LSAMP: variants seen among roughly 807,000 people sequenced by gnomAD.
LSAMP encodes the protein limbic system-associated membrane protein.
LSAMP carries 7 observed loss-of-function variants against 38.6 expected under a neutral mutation model. The observed-to-expected ratio is 0.18, with a 90% CI of 0.10 to 0.34. The LOEUF (loss-of-function observed/expected upper bound fraction) is 0.34. LSAMP is among the 10% of genes least tolerant of loss of function. The pLI is 1.00. For synonymous variants in LSAMP, 154 were observed against 166.8 expected (o/e 0.92, Z 0.59); for missense variants, 313 against 420.0 (o/e 0.75, Z 2.23).
intron 1 of LSAMP, among the ~76,000 whole-genome samples, chr3:116,105,122 A>T (rs567178613): frequency 1.3e-5 from 2 of 151,980 alleles, no homozygotes; most frequent in Non-Finnish European, 2.9e-5. Context: ...AGCATGATGA[A>T]GGCATTCATA....
intron 1 of LSAMP, among the ~76,000 whole-genome samples, chr3:116,400,170 G>C (rs1380759424): frequency 1.3e-5 from 2 of 151,840 alleles, no homozygotes; most frequent in Non-Finnish European, 2.9e-5. Flanking sequence ...TTTTGTTCTT[G>C]CTTTGTACTA....
intron 2 of LSAMP, among the ~76,000 whole-genome samples, chr3:116,067,849 T>C (rs1707497523): frequency 6.6e-6 from 1 of 152,130 alleles, no homozygotes; most frequent in African/African-American, 2.4e-5. Context: ...CTTTATTAAA[T>C]AATTATTATG....
At chr3:116,081,439 C>G (rs1276294219) in intron 2 of LSAMP, among the ~76,000 whole-genome samples, 1 of 149,644 alleles carries the variant, frequency 6.7e-6, no homozygotes, top group Non-Finnish European at 1.5e-5. Flanking sequence ...GGCGACAGAG[C>G]AAGACTCTGT....
chr3:116,120,801 T>C (rs1183525959), intron 1 of LSAMP, among the ~76,000 whole-genome samples: 2 of 152,224 alleles, frequency 1.3e-5, no homozygotes, highest in East Asian at 3.8e-4. Flanking sequence ...TTTAAGGATA[T>C]CACAGACCTT....
intron 3 of LSAMP, among the ~76,000 whole-genome samples, chr3:115,937,371 T>A (rs1937738824): frequency 6.6e-6 from 1 of 152,148 alleles, no homozygotes; most frequent in Non-Finnish European, 1.5e-5. Flanking sequence ...CCAGGCATGG[T>A]AGCTCATACC....
At chr3:116,313,611 C>G (rs748123914) in intron 1 of LSAMP, among the ~76,000 whole-genome samples, 13 of 152,146 alleles carry the variant, frequency 8.5e-5, no homozygotes, top group Non-Finnish European at 1.8e-4. Flanking sequence ...TCATAGGCCT[C>G]TTAGAGCAAA....
intron 1 of LSAMP, among the ~76,000 whole-genome samples, chr3:116,123,382 G>A (rs1708930564): frequency 6.6e-6 from 1 of 152,168 alleles, no homozygotes; most frequent in African/African-American, 2.4e-5. Flanking sequence ...AACTTAACTT[G>A]TGCTTCTCAC....
intron 3 of LSAMP, among the ~76,000 whole-genome samples, chr3:115,924,414 A>G (rs998193755): frequency 5.3e-5 from 8 of 152,246 alleles, no homozygotes; most frequent in African/African-American, 1.9e-4. Flanking sequence ...GACTTATTTT[A>G]TAGGCCTCTA....
chr3:116,339,989 C>T (rs1232430652), intron 1 of LSAMP, among the ~76,000 whole-genome samples: 1 of 152,038 alleles, frequency 6.6e-6, no homozygotes, highest in Non-Finnish European at 1.5e-5. Context: ...TAGAGTATAA[C>T]AACATGGTTA....
chr3:115,951,298 C>T (rs943219657), intron 3 of LSAMP, among the ~76,000 whole-genome samples: 19 of 152,264 alleles, frequency 1.2e-4, no homozygotes, highest in African/African-American at 4.6e-4. Context: ...TAAAAAGCTT[C>T]TGCCCAGCAA....
intron 6 of LSAMP, among the ~76,000 whole-genome samples, chr3:115,835,520 A>G (rs1934753245): frequency 6.6e-6 from 1 of 152,234 alleles, no homozygotes; most frequent in Non-Finnish European, 1.5e-5. Flanking sequence ...AAATTATATG[A>G]TAGTGTAACA....
chr3:116,312,504 C>CT (rs1348872326), intron 1 of LSAMP, among the ~76,000 whole-genome samples: 1 of 152,166 alleles, frequency 6.6e-6, no homozygotes, highest in African/African-American at 2.4e-5. Flanking sequence ...GTTATTTACT[C>CT]TCCCCATCTT....
chr3:115,834,486 C>G (rs1007550044), intron 6 of LSAMP: 24 of 1,056,860 alleles, frequency 2.3e-5, no homozygotes, highest in Non-Finnish European at 2.4e-5. Flanking sequence ...GTTTTCCCCC[C>G]TTTGTGTGTT....
At chr3:116,147,171 G>C (rs6764630) in intron 1 of LSAMP, among the ~76,000 whole-genome samples, 7 of 151,628 alleles carry the variant, frequency 4.6e-5, no homozygotes, top group Non-Finnish European at 1.0e-4. Flanking sequence ...CTTGACATAC[G>C]TTCTATTTGT....
At position 116,417,295 on chromosome 3, in the gene LSAMP, A is replaced by T. The variant is rs890201371; in HGVS notation, c.155+27582T>A. Among the ~76,000 whole-genome samples, 31 of 152,202 alleles carry T rather than the reference A, an allele frequency of 2.0e-4. 1 individual carries two copies. The highest frequency in any genetic ancestry group is 7.0e-4 in the African/African-American group (29 of 41,448). Reference sequence around the variant, plus strand: ...TTCCTCCTCAAAAGGAAGGGATTCCATTGCACATTTAACAGGGTTGTTTCT... The same window carrying T: ...TTCCTCCTCAAAAGGAAGGGATTCCTTTGCACATTTAACAGGGTTGTTTCT... On this transcript the variant is annotated intron_variant, in intron 1 of 6. Transcript: ENST00000490035.
intron 6 of LSAMP, among the ~76,000 whole-genome samples, chr3:115,815,976 T>A (rs1368584461): frequency 1.3e-5 from 2 of 152,114 alleles, no homozygotes; most frequent in African/African-American, 4.8e-5. Flanking sequence ...AAGAATAGAT[T>A]TCCACAGTTG....
intron 1 of LSAMP, among the ~76,000 whole-genome samples, chr3:116,380,822 G>T (rs1441950334): frequency 6.6e-6 from 1 of 151,812 alleles, no homozygotes. Flanking sequence ...TATAGCTTTG[G>T]TTTTTTTGTT....
intron 1 of LSAMP, among the ~76,000 whole-genome samples, chr3:116,381,262 A>T (rs1264269974): frequency 6.6e-6 from 1 of 152,102 alleles, no homozygotes; most frequent in Non-Finnish European, 1.5e-5. Flanking sequence ...AGACTGTCCA[A>T]TGAAAAAGTT....
At chr3:115,847,658 TTATAAGAGTTTGG>T (rs1268002449) in intron 4 of LSAMP, among the ~76,000 whole-genome samples, 1 of 152,144 alleles carries the variant, frequency 6.6e-6, no homozygotes, top group Non-Finnish European at 1.5e-5. Flanking sequence ...TCTGATGGTT[TTATAAGAGTTTGG>T]TAGTTCCTCC....
Sources: allele counts gnomAD v4.1 joint callset (sites outside exome capture counted in the v4.1 genomes callset), GRCh38; gene constraint gnomAD v4.1.1; transcripts MANE v1.5; gene names NCBI Gene and HGNC (gene_info 2026-07-23, HGNC 2026-07-21).